CPPED1: variants seen among roughly 807,000 people sequenced by gnomAD.
CPPED1 encodes calcineurin like phosphoesterase domain containing 1.
A neutral mutation model predicts 28.0 loss-of-function variants in CPPED1; 28 were observed. That is an observed-to-expected ratio of 1.00 (90% CI 0.74 to 1.37). The LOEUF (loss-of-function observed/expected upper bound fraction) is 1.37. Ranked by LOEUF, CPPED1 falls within the 40% of genes most tolerant of loss-of-function variation. The probability of loss-of-function intolerance (pLI) is 0.00; values close to 1 mark genes in which losing one functional copy is unlikely to be tolerated. For synonymous variants in CPPED1, 198 were observed against 180.2 expected (o/e 1.10, Z -0.79); for missense variants, 504 against 416.5 (o/e 1.21, Z -1.83).
chr16:12,677,592 A>C (rs2079884100), intron 3 of CPPED1, among the ~76,000 whole-genome samples: 1 of 152,218 alleles, frequency 6.6e-6, no homozygotes, highest in Admixed American at 6.5e-5. Context: ...CAGTGAGCTG[A>C]GCTCGTGCCA....
At chr16:12,771,292 AT>A (rs2080469121) in intron 2 of CPPED1, among the ~76,000 whole-genome samples, 2 of 152,378 alleles carry the variant, frequency 1.3e-5, no homozygotes, top group South Asian at 4.1e-4. Flanking sequence ...GATTTGTTAA[AT>A]AAATGAATTG....
At chr16:12,800,522 T>A (rs1018231951) in intron 1 of CPPED1, among the ~76,000 whole-genome samples, 1 of 151,916 alleles carries the variant, frequency 6.6e-6, no homozygotes, top group Non-Finnish European at 1.5e-5. Context: ...CTGGATTGCA[T>A]CCCAAGTTGC....
rs934195594 is a variant in CPPED1 at position 12,660,498 on chromosome 16, T to G, written c.*4388A>C. On this transcript the variant is annotated 3_prime_UTR_variant, in exon 4 of 4. Coordinates refer to ENST00000381774, the MANE Select transcript of CPPED1 (RefSeq NM_018340.3). ...AAAAGAATCCTCCACTTTTACTATA[T>G]GTGTGTGTGTGTGTGTGTGTGTGTG... is the stretch of plus-strand genomic sequence containing the variant. 4.5e-5 allele frequency: 2 copies of G among 44,848 alleles called. No individual in the cohort carries two copies. Among genetic ancestry groups the G allele is most frequent in the Admixed American group, 1.7e-4 (1 of 5,902 alleles). 2.8% of individuals were successfully genotyped at this position (44,848 alleles called of 1,614,324 possible).
At chr16:12,696,121 G>C (rs1394833473) in intron 3 of CPPED1, among the ~76,000 whole-genome samples, 1 of 151,878 alleles carries the variant, frequency 6.6e-6, no homozygotes, top group African/African-American at 2.4e-5. Flanking sequence ...CAGGAGCCAA[G>C]AGAATTTTGT....
intron 3 of CPPED1, among the ~76,000 whole-genome samples, chr16:12,667,282 C>T (rs1346284350): frequency 6.6e-6 from 1 of 152,116 alleles, no homozygotes; most frequent in East Asian, 1.9e-4. Flanking sequence ...GATTGTCTGA[C>T]AAATATTTCA....
chr16:12,683,467 G>A (rs902290922), intron 3 of CPPED1, among the ~76,000 whole-genome samples: 3 of 152,038 alleles, frequency 2.0e-5, no homozygotes, highest in Admixed American at 2.0e-4. Flanking sequence ...CAAAAATTCA[G>A]AATCATTTCC....
At chr16:12,800,855 AC>A (rs1349044276) in intron 1 of CPPED1, among the ~76,000 whole-genome samples, 2 of 151,746 alleles carry the variant, frequency 1.3e-5, no homozygotes, top group African/African-American at 4.8e-5. Context: ...GGCCCAGTTA[AC>A]TCATACTCCT....
At chr16:12,731,391 G>A (rs1264781524) in intron 2 of CPPED1, among the ~76,000 whole-genome samples, 1 of 150,376 alleles carries the variant, frequency 6.6e-6, no homozygotes, top group African/African-American at 2.5e-5. Context: ...AAAAAAAAAA[G>A]AGTAAACAAA....
In CPPED1 at chr16:12,796,173, A is replaced by G. The variant is rs561637823; in HGVS notation, c.70+7534T>C. Among the ~76,000 whole-genome samples, 184 of 152,096 alleles carry G rather than the reference A, an allele frequency of 1.2e-3. 4 individuals carry two copies. In the South Asian group the frequency reaches 0.012, roughly 10 times the overall value. On this transcript the variant is annotated intron_variant, in intron 1 of 3. Coordinates refer to ENST00000381774, the MANE Select transcript of CPPED1 (RefSeq NM_018340.3). ...CCTCAAGAATTTATAGTGTACAGGT[A>G]GAAAAAGACAGCAAAGTCACAAGAA...
intron 1 of CPPED1, among the ~76,000 whole-genome samples, chr16:12,799,952 T>C (rs758593593): frequency 5.3e-5 from 8 of 152,142 alleles, no homozygotes; most frequent in Non-Finnish European, 1.0e-4. Flanking sequence ...AGGTATCTTA[T>C]AGATTTATCA....
intron 2 of CPPED1, among the ~76,000 whole-genome samples, chr16:12,772,599 A>G (rs889814716): frequency 1.3e-5 from 2 of 152,236 alleles, no homozygotes; most frequent in Non-Finnish European, 2.9e-5. Flanking sequence ...CCCAATAGAA[A>G]TGGTCCCCAA....
chr16:12,793,927 CA>C (rs2080611300), intron 1 of CPPED1, among the ~76,000 whole-genome samples: 1 of 152,162 alleles, frequency 6.6e-6, no homozygotes, highest in African/African-American at 2.4e-5. Flanking sequence ...CAAATGGCAA[CA>C]AAATGCAATT....
chr16:12,707,514 T>C (rs955155761), intron 2 of CPPED1, among the ~76,000 whole-genome samples: 32 of 152,158 alleles, frequency 2.1e-4, no homozygotes, highest in African/African-American at 6.8e-4. Context: ...ATGAGGACTT[T>C]ATAATACACT....
At chr16:12,787,521 T>C (rs2080571387) in intron 1 of CPPED1, among the ~76,000 whole-genome samples, 1 of 151,870 alleles carries the variant, frequency 6.6e-6, no homozygotes, top group Non-Finnish European at 1.5e-5. Context: ...TCTCCCACCT[T>C]AGCCTCCTGA....
chr16:12,676,371 G>A (rs2079877749), intron 3 of CPPED1, among the ~76,000 whole-genome samples: 1 of 152,160 alleles, frequency 6.6e-6, no homozygotes, highest in Non-Finnish European at 1.5e-5. Flanking sequence ...ATAACAAAAT[G>A]CAGAAATCGA....
intron 3 of CPPED1, among the ~76,000 whole-genome samples, chr16:12,671,761 CA>C (rs2079853838): frequency 6.6e-6 from 1 of 152,152 alleles, no homozygotes; most frequent in Admixed American, 6.5e-5. Context: ...TCTAGATACA[CA>C]AATCCCTACC....
At chr16:12,796,359 G>A (rs2080627547) in intron 1 of CPPED1, among the ~76,000 whole-genome samples, 1 of 151,878 alleles carries the variant, frequency 6.6e-6, no homozygotes, top group African/African-American at 2.4e-5. Context: ...GCCAGGTGTG[G>A]TTGTGTGCAC....
chr16:12,675,209 G>T (rs1330179828), intron 3 of CPPED1, among the ~76,000 whole-genome samples: 2 of 152,198 alleles, frequency 1.3e-5, no homozygotes, highest in African/African-American at 4.8e-5. Flanking sequence ...TCAAGAGCTG[G>T]GCAGAATTTC....
intron 3 of CPPED1, among the ~76,000 whole-genome samples, chr16:12,694,874 T>C (rs2079982130): frequency 6.6e-6 from 1 of 151,942 alleles, no homozygotes; most frequent in South Asian, 2.1e-4. Context: ...GCCTCCCAGC[T>C]TCAAGCGATT....
Sources: gnomAD v4.1 joint callset for allele counts (sites outside exome capture counted in the v4.1 genomes callset) on GRCh38, gnomAD v4.1.1 for gene constraint, MANE v1.5 for transcripts, NCBI Gene and HGNC (gene_info 2026-07-23, HGNC 2026-07-21) for gene names.